The following KLF12 variants were observed in gnomAD, a reference collection of about 807,000 sequenced individuals.
KLF12 encodes Krueppel-like factor 12.
Under a neutral mutation model 37.8 loss-of-function variants are expected in KLF12, and 9 were observed. That is an observed-to-expected ratio of 0.24 (90% CI 0.14 to 0.42). KLF12 has a LOEUF of 0.42. KLF12 is among the 10% of genes least tolerant of loss of function. The pLI is 1.00. For missense variants in KLF12, 411 were observed against 516.0 expected (o/e 0.80, Z 1.97); for synonymous variants, 208 against 202.1 (o/e 1.03, Z -0.25).
the KLF12 span, among the ~76,000 whole-genome samples, chr13:74,193,089 C>T: frequency 6.6e-6 from 1 of 151,650 alleles, no homozygotes; most frequent in East Asian, 1.9e-4. Flanking sequence ...AGAAATTCTC[C>T]TGCCTCAGCC....
chr13:73,930,859 C>CTTT (rs1371756553), intron 3 of KLF12, among the ~76,000 whole-genome samples: 1 of 108,870 alleles, frequency 9.2e-6, no homozygotes, highest in African/African-American at 3.3e-5. Context: ...TAACTGGAAA[C>CTTT]ATTTTTTTTT....
chr13:74,037,541 C>T (rs546295887), intron 1 of KLF12, among the ~76,000 whole-genome samples: 1 of 152,264 alleles, frequency 6.6e-6, no homozygotes, highest in African/African-American at 2.4e-5. Flanking sequence ...CTCACAGAAG[C>T]ATTTTCTAAG....
chr13:73,767,221 G>A (rs1402340381), intron 5 of KLF12, among the ~76,000 whole-genome samples: 2 of 152,042 alleles, frequency 1.3e-5, no homozygotes, highest in African/African-American at 4.8e-5. Context: ...GACACTTTTT[G>A]CCATCTTCTG....
chr13:74,079,683 TC>T (rs1199015671), intron 1 of KLF12, among the ~76,000 whole-genome samples: 6 of 152,154 alleles, frequency 3.9e-5, no homozygotes, highest in Non-Finnish European at 7.4e-5. Context: ...TTAAAAGACT[TC>T]CAGACAACTC....
the KLF12 span, among the ~76,000 whole-genome samples, chr13:74,296,046 T>C: frequency 6.6e-6 from 1 of 151,908 alleles, no homozygotes; most frequent in South Asian, 2.1e-4. Flanking sequence ...CTGGAACTCC[T>C]GAGCTCGGGT....
intron 1 of KLF12, among the ~76,000 whole-genome samples, chr13:74,080,499 T>A (rs562550259): frequency 6.6e-6 from 1 of 151,154 alleles, no homozygotes; most frequent in South Asian, 2.1e-4. Context: ...TAACTGTACG[T>A]TTAAAAATGG....
intron 1 of KLF12, among the ~76,000 whole-genome samples, chr13:73,998,344 G>C (rs2138290611): frequency 6.6e-6 from 1 of 152,238 alleles, no homozygotes; most frequent in Non-Finnish European, 1.5e-5. Flanking sequence ...CTTGTTGCTA[G>C]ATCCTCTGAG....
the KLF12 span, among the ~76,000 whole-genome samples, chr13:74,192,571 C>T: frequency 8.5e-5 from 13 of 152,176 alleles, no homozygotes; most frequent in African/African-American, 1.4e-4. Flanking sequence ...GGTAATGAAA[C>T]GGGTTTTTGC....
the KLF12 span, among the ~76,000 whole-genome samples, chr13:74,281,517 A>G: frequency 1.3e-5 from 2 of 152,206 alleles, no homozygotes; most frequent in Non-Finnish European, 2.9e-5. Context: ...TAGGGTATAT[A>G]TTTTATTGTA....
the KLF12 span, among the ~76,000 whole-genome samples, chr13:74,265,718 T>C: frequency 6.6e-6 from 1 of 152,206 alleles, no homozygotes; most frequent in African/African-American, 2.4e-5. Context: ...TCCCTTCATT[T>C]CCTGTGTGTT....
intron 1 of KLF12, among the ~76,000 whole-genome samples, chr13:74,102,960 T>C (rs533998756): frequency 2.0e-5 from 3 of 152,238 alleles, no homozygotes; most frequent in Non-Finnish European, 4.4e-5. Context: ...CATATCAACA[T>C]GGACTTCCTC....
intron 4 of KLF12, 26 bp from the exon 5 acceptor site, chr13:73,813,313 A>T: frequency 6.2e-7 from 1 of 1,612,876 alleles, no homozygotes; most frequent in African/African-American, 1.3e-5. Flanking sequence ...ATATATAATG[A>T]ATTAAAATCA....
rs748422202 is a variant in KLF12, at chr13:73,689,292, G to A, written c.*6198C>T. On this transcript the variant is annotated 3_prime_UTR_variant, in exon 8 of 8. Transcript: ENST00000377669. ...CTAACATTGGGAGGAGAAAACAGTG[G>A]ATGTTTTTTTGAGGCCTGTGGTCTG... 3 of 152,032 alleles carry A rather than the reference G, an allele frequency of 2.0e-5. No homozygotes were observed. The highest frequency in any genetic ancestry group is 6.6e-5 in the Admixed American group (1 of 15,244). 9.4% of individuals were successfully genotyped at this position (152,032 alleles called of 1,614,324 possible).
At position 73,694,272 on chromosome 13, in the gene KLF12, C is replaced by T. The variant is rs1873983569; in HGVS notation, c.*1218G>A. ...CCTTGCCTTTCTAGTCACCAAATAA[C>T]TGTTTTCAAACAAGAAAAGGGGAGC... On this transcript the variant is annotated 3_prime_UTR_variant, in exon 8 of 8. Transcript: ENST00000377669. 2 of 152,572 alleles carry T rather than the reference C, an allele frequency of 1.3e-5. No individual in the cohort carries two copies. The highest frequency in any genetic ancestry group is 1.3e-4 in the Admixed American group (2 of 15,270). The allele number at this position is 152,572 out of a possible 1,614,324, so 9.5% of individuals were successfully genotyped here. A position where few individuals can be genotyped will look rare whatever the true frequency, so the allele number is the denominator to read the frequency against.
intron 6 of KLF12, among the ~76,000 whole-genome samples, chr13:73,749,699 CG>C (rs1389498107): frequency 6.6e-6 from 1 of 151,992 alleles, no homozygotes; most frequent in East Asian, 1.9e-4. Flanking sequence ...AGGCCAAAAA[CG>C]TAAAAATCAG....
chr13:74,076,233 C>A (rs928355258), intron 1 of KLF12, among the ~76,000 whole-genome samples: 1 of 152,018 alleles, frequency 6.6e-6, no homozygotes, highest in East Asian at 1.9e-4. Flanking sequence ...ATTTAAAATA[C>A]GACTGTTTTC....
At chr13:74,221,943 T>C in the KLF12 span, among the ~76,000 whole-genome samples, 1 of 152,352 alleles carries the variant, frequency 6.6e-6, no homozygotes, top group East Asian at 1.9e-4. Context: ...AGGTCATTTA[T>C]GTGGCAATTT....
upstream of KLF12, among the ~76,000 whole-genome samples, chr13:74,135,673 C>G (rs567719317): frequency 4.6e-5 from 7 of 151,900 alleles, no homozygotes; most frequent in African/African-American, 1.7e-4. Context: ...GCGCGGCGCT[C>G]CGGGCACGAC....
chr13:73,863,001 C>T (rs1313420425), intron 3 of KLF12, among the ~76,000 whole-genome samples: 2 of 152,110 alleles, frequency 1.3e-5, no homozygotes, highest in Non-Finnish European at 2.9e-5. Flanking sequence ...TAGACAGGAT[C>T]ACAGTACAAG....
Sources: allele counts gnomAD v4.1 joint callset (sites outside exome capture counted in the v4.1 genomes callset), GRCh38; gene constraint gnomAD v4.1.1; transcripts MANE v1.5; gene names NCBI Gene and HGNC (gene_info 2026-07-23, HGNC 2026-07-21).